The following NEGR1 variants were observed in gnomAD, a reference collection of about 807,000 sequenced individuals.
NEGR1 encodes neuronal growth regulator 1.
Under a neutral mutation model 40.9 loss-of-function variants are expected in NEGR1, and 10 were observed. That is an observed-to-expected ratio of 0.24 (90% CI 0.15 to 0.42). The LOEUF (loss-of-function observed/expected upper bound fraction) is 0.42, where lower values mean the gene tolerates loss of function less well. Ranked by LOEUF, NEGR1 falls within the 10% of genes least tolerant of loss-of-function variation. The probability of loss-of-function intolerance (pLI) is 1.00; values close to 1 mark genes in which losing one functional copy is unlikely to be tolerated. For synonymous variants in NEGR1, 185 were observed against 166.8 expected (o/e 1.11, Z -0.84); for missense variants, 352 against 438.9 (o/e 0.80, Z 1.77).
chr1:71,558,464 T>C (rs1648326707), intron 6 of NEGR1, among the ~76,000 whole-genome samples: 2 of 151,618 alleles, frequency 1.3e-5, no homozygotes, highest in Non-Finnish European at 3.0e-5. Context: ...TGTTCCCTCA[T>C]TCCTTTATTT....
chr1:71,759,287 CTTTTTTTTTTTTTT>C (rs759687500), intron 3 of NEGR1, among the ~76,000 whole-genome samples: 3 of 85,220 alleles, frequency 3.5e-5, no homozygotes, highest in South Asian at 4.5e-4. Context: ...AAGATTATAA[CTTTTTTTTTTTTTT>C]TTTTTTTTTT....
chr1:71,765,335 T>G (rs1656084172), intron 3 of NEGR1, among the ~76,000 whole-genome samples: 1 of 152,046 alleles, frequency 6.6e-6, no homozygotes, highest in African/African-American at 2.4e-5. Flanking sequence ...CTCAACAACT[T>G]TTTGCAGGGA....
intron 4 of NEGR1, among the ~76,000 whole-genome samples, chr1:71,643,557 G>A (rs1481745315): frequency 6.6e-6 from 1 of 151,954 alleles, no homozygotes; most frequent in Non-Finnish European, 1.5e-5. Context: ...CCACTCTTAG[G>A]AAGCAGGATG....
chr1:71,448,892 A>G (rs1569884993), intron 6 of NEGR1, among the ~76,000 whole-genome samples: 2 of 152,280 alleles, frequency 1.3e-5, no homozygotes, highest in South Asian at 4.1e-4. Flanking sequence ...ATAGGATAAA[A>G]TCTCATTACT....
intron 1 of NEGR1, among the ~76,000 whole-genome samples, chr1:71,997,199 T>A (rs1294638722): frequency 2.6e-5 from 4 of 152,062 alleles, no homozygotes. Context: ...ATTTTACCCA[T>A]AAATTTCTCC....
intron 4 of NEGR1, among the ~76,000 whole-genome samples, chr1:71,662,943 G>T (rs1652115237): frequency 6.6e-6 from 1 of 151,228 alleles, no homozygotes; most frequent in African/African-American, 2.4e-5. Context: ...TACCAGTTTT[G>T]TTTTTTAGTG....
rs905882739 is a variant in NEGR1 at position 71,752,859 on chromosome 1, T to C, written c.535+23313A>G. Among the ~76,000 whole-genome samples the C allele has an allele frequency of 5.3e-4, 80 of 152,198 alleles. 6 individuals carry two copies. The highest frequency in any genetic ancestry group is 4.4e-5 in the Non-Finnish European group (3 of 68,018). On this transcript the variant is annotated intron_variant, in intron 3 of 6. Coordinates refer to ENST00000357731, the MANE Select transcript of NEGR1 (RefSeq NM_173808.3). ...TCAGTTCTATGTTATACTAGCTCTC[T>C]ATATTGGAAATTCCTCCAGAAAATC...
intron 6 of NEGR1, among the ~76,000 whole-genome samples, chr1:71,477,915 A>G (rs1446282388): frequency 2.0e-5 from 3 of 152,046 alleles, no homozygotes; most frequent in Non-Finnish European, 4.4e-5. Context: ...AAATACATAA[A>G]GCTTAAAACC....
chr1:71,924,536 A>G (rs1240760080), intron 2 of NEGR1, among the ~76,000 whole-genome samples: 2 of 152,166 alleles, frequency 1.3e-5, no homozygotes, highest in Non-Finnish European at 2.9e-5. Flanking sequence ...GGGTCCATCC[A>G]CCCATTTGTT....
At chr1:71,621,298 C>T (rs1650599958) in intron 4 of NEGR1, among the ~76,000 whole-genome samples, 1 of 151,750 alleles carries the variant, frequency 6.6e-6, no homozygotes, top group South Asian at 2.1e-4. Flanking sequence ...TTATATTCCT[C>T]TTTGAACAAG....
intron 2 of NEGR1, among the ~76,000 whole-genome samples, chr1:71,845,098 T>C (rs1434326709): frequency 1.3e-5 from 2 of 152,194 alleles, no homozygotes; most frequent in African/African-American, 2.4e-5. Flanking sequence ...AAATTGTTCT[T>C]AATAAATAAT....
intron 1 of NEGR1, among the ~76,000 whole-genome samples, chr1:72,228,317 A>G (rs1164030148): frequency 2.6e-5 from 4 of 152,182 alleles, no homozygotes; most frequent in African/African-American, 7.2e-5. Context: ...TGGAGGAAGG[A>G]GCAATGAGTT....
chr1:72,176,877 C>G (rs914508244), intron 1 of NEGR1, among the ~76,000 whole-genome samples: 1 of 151,828 alleles, frequency 6.6e-6, no homozygotes, highest in African/African-American at 2.4e-5. Context: ...TTAGTGGCTA[C>G]AAAATAGGAG....
intron 6 of NEGR1, among the ~76,000 whole-genome samples, chr1:71,490,568 C>T (rs531682475): frequency 6.6e-6 from 1 of 152,038 alleles, no homozygotes; most frequent in East Asian, 1.9e-4. Flanking sequence ...CCATTCTATG[C>T]GATGCCATAC....
At chr1:71,542,077 G>T (rs1647724055) in intron 6 of NEGR1, among the ~76,000 whole-genome samples, 1 of 151,736 alleles carries the variant, frequency 6.6e-6, no homozygotes, top group African/African-American at 2.4e-5. Context: ...ACTATTGGTG[G>T]GAAATATGGT....
intron 3 of NEGR1, among the ~76,000 whole-genome samples, chr1:71,712,091 C>T (rs534167826): frequency 1.5e-4 from 23 of 152,150 alleles, no homozygotes; most frequent in Admixed American, 1.2e-3. Context: ...CTGTATCTTG[C>T]TTATGTTCAT....
chr1:71,799,328 A>T (rs970934866), intron 2 of NEGR1, among the ~76,000 whole-genome samples: 18 of 152,104 alleles, frequency 1.2e-4, no homozygotes, highest in Non-Finnish European at 2.4e-4. Context: ...GTCTGCTGAG[A>T]ATGATGGTTT....
intron 4 of NEGR1, among the ~76,000 whole-genome samples, chr1:71,634,303 A>G (rs1049603411): frequency 1.3e-5 from 2 of 152,104 alleles, no homozygotes; most frequent in African/African-American, 4.8e-5. Context: ...GAGCAGGTGC[A>G]CCCAGTGGGT....
intron 1 of NEGR1, among the ~76,000 whole-genome samples, chr1:72,013,963 T>TAAAAA (rs1161156816): frequency 7.9e-5 from 7 of 88,494 alleles, no homozygotes; most frequent in East Asian, 3.0e-4. Flanking sequence ...CTGTGAAAAA[T>TAAAAA]AAAAAAAAAA....
Sources: allele counts gnomAD v4.1 joint callset (sites outside exome capture counted in the v4.1 genomes callset), GRCh38; gene constraint gnomAD v4.1.1; transcripts MANE v1.5; gene names NCBI Gene and HGNC (gene_info 2026-07-23, HGNC 2026-07-21).